The following ZIC2 variants were observed in gnomAD, a reference collection of about 807,000 sequenced individuals.
ZIC2 encodes the protein Zic family zinc finger 2.
A neutral mutation model predicts 29.5 loss-of-function variants in ZIC2; 7 were observed. That is an observed-to-expected ratio of 0.24 (90% CI 0.14 to 0.45). The LOEUF is 0.45. ZIC2 is among the 20% of genes least tolerant of loss of function. The pLI is 1.00. For missense variants in ZIC2, 589 were observed against 781.2 expected (o/e 0.75, Z 2.93); for synonymous variants, 408 against 354.2 (o/e 1.15, Z -1.70).
rs534770914 is a variant in ZIC2 at position 99,982,571 on chromosome 13, C to A, written c.507C>A (p.His169Gln). The change falls in exon 1 of 3, where the codon CAC becomes CAA. Residue 169 changes from histidine to glutamine, a missense_variant. Transcript: ENST00000376335. ...FPGLPEQHGP[H>Q]GSQNVLNGQM... The stretch of plus-strand genomic sequence containing the variant: ...GCCTGCCAGAGCAGCACGGGCCGCA[C>A]GGCTCGCAGAATGTGCTCAACGGGC... 2.6e-6 allele frequency: 4 copies of A among 1,561,836 alleles called. No individual in the cohort carries two copies. The highest frequency in any genetic ancestry group is 3.5e-6 in the Non-Finnish European group (4 of 1,159,412).
intron 1 of ZIC2, 52 bp from the exon 2 acceptor site, chr13:99,984,894 G>A: frequency 6.2e-7 from 1 of 1,612,640 alleles, no homozygotes. Flanking sequence ...CTGAGTGGGG[G>A]CTCTGCAGGC....
Position 99,985,836 on chromosome 13 carries a change from G to GTT in ZIC2, c.*169_*170dup, listed in dbSNP as rs34544768. 0.063 allele frequency: 11,601 copies of GTT among 185,454 alleles called. 390 individuals are homozygous for GTT. Among genetic ancestry groups the GTT allele is most frequent in the African/African-American group, 0.11 (4,284 of 39,080 alleles). The allele number at this position is 185,454 out of a possible 1,614,324, so 11.5% of individuals were successfully genotyped here. ...TTTACCAGCAGAAGGATTTTTTAAA[G>GTT]TTTTTTTTTTTTTTTTAATAATAAT... On this transcript the variant is annotated 3_prime_UTR_variant, in exon 3 of 3. Coordinates refer to ENST00000376335, the MANE Select transcript of ZIC2 (RefSeq NM_007129.5). The surrounding 1 kb of genome is among the most constrained non-coding windows in gnomAD (Gnocchi z 6.3).
chr13:99,982,490 C>T lies in ZIC2; in HGVS notation c.426C>T (p.Gly142=). 2 of 1,473,680 alleles carry T rather than the reference C, an allele frequency of 1.4e-6. No homozygotes were observed. Among genetic ancestry groups the T allele is most frequent in the Non-Finnish European group, 1.8e-6 (2 of 1,117,166 alleles). The allele number at this position is 1,473,680 out of a possible 1,614,324, so 91.3% of individuals were successfully genotyped here. The stretch of plus-strand genomic sequence containing the variant: ...GGCAGCACGGGCTGTTCGGGCCGGG[C>T]GCGGGCGGCCTGCACCACGCGCACT... ...GGGQHGLFGP[G]AGGLHHAHSD... is the part of the protein sequence containing the mutation. The change falls in exon 1 of 3, where the codon GGC becomes GGT. Residue 142 remains glycine, a synonymous_variant. Transcript: ENST00000376335.
intron 1 of ZIC2, chr13:99,984,550 C>T (rs541554923): frequency 2.7e-5 from 8 of 298,992 alleles, no homozygotes; most frequent in South Asian, 2.5e-4. Flanking sequence ...GAGAAACCGA[C>T]AGCAGCCCAG....
In ZIC2 at chr13:99,982,043, G is replaced by GGGGC; in HGVS notation, c.-12_-9dup. 2 of 1,226,470 alleles carry GGGGC rather than the reference G, an allele frequency of 1.6e-6. No homozygotes were observed. The highest frequency in any genetic ancestry group is 1.0e-6 in the Non-Finnish European group (1 of 986,114). The allele number at this position is 1,226,470 out of a possible 1,614,324, so 76.0% of individuals were successfully genotyped here. ...GCGGCGCGGAGGCGCAGGGCTCGCA[G>GGGGC]GGGCGGGCGGGCGCGCTGGCCATGC... On this transcript the variant is annotated 5_prime_UTR_variant, in exon 1 of 3. Coordinates refer to ENST00000376335, the MANE Select transcript of ZIC2 (RefSeq NM_007129.5).
rs113030947 is a variant in ZIC2, at chr13:99,985,227, A to G, written c.1240-96A>G. The G allele has an allele frequency of 6.7e-4, 1,068 of 1,602,634 alleles. 7 individuals are homozygous for G. In the African/African-American group the frequency reaches 0.012, roughly 18 times the overall value. ...CAGGGGCCAGGGCGGCGGGGGGAAC[A>G]TTTCTGGGGGTGCTCTCCCCCAGGG... On this transcript the variant is annotated intron_variant, in intron 2 of 2. Coordinates refer to ENST00000376335, the MANE Select transcript of ZIC2 (RefSeq NM_007129.5). The surrounding 1 kb of genome is among the most constrained non-coding windows in gnomAD (Gnocchi z 6.3).
chr13:99,985,211 G>C lies in ZIC2; in HGVS notation c.1239+102G>C. On this transcript the variant is annotated intron_variant, in intron 2 of 2. Transcript: ENST00000376335. The surrounding 1 kb of genome is among the most constrained non-coding windows in gnomAD (Gnocchi z 6.3). Reference sequence around the variant, plus strand: ...GGCCTGGGAGGGTCCCCAGGGGCCAGGGCGGCGGGGGGAACATTTCTGGGG... The same window carrying C: ...GGCCTGGGAGGGTCCCCAGGGGCCACGGCGGCGGGGGGAACATTTCTGGGG... The C allele has an allele frequency of 1.2e-6, 2 of 1,602,918 alleles. No homozygotes were observed. Among genetic ancestry groups the C allele is most frequent in the Admixed American group, 1.7e-5 (1 of 58,910 alleles).
In ZIC2 at chr13:99,985,576, G is replaced by A; in HGVS notation, c.1493G>A (p.Gly498Asp). ...GSGGGSGSGG[G>D]GGGAGGGGGG... ...GGCGGCGGCAGCGGCAGTGGCGGGG[G>A]CGGCGGCGGGGCGGGCGGCGGGGGC... The change falls in exon 3 of 3, where the codon GGC becomes GAC. Residue 498 changes from glycine to aspartate, a missense_variant. By Grantham distance (94) the Gly-to-Asp change is moderately conservative. Transcript: ENST00000376335. The surrounding 1 kb of genome is among the most constrained non-coding windows in gnomAD (Gnocchi z 6.3). The A allele has an allele frequency of 4.0e-6, 4 of 1,000,934 alleles. No individual in the cohort carries two copies. The highest frequency in any genetic ancestry group is 4.8e-6 in the Non-Finnish European group (4 of 842,102). 62.0% of individuals were successfully genotyped at this position (1,000,934 alleles called of 1,614,324 possible). A position where few individuals can be genotyped will look rare whatever the true frequency, so the allele number is the denominator to read the frequency against.
Position 99,982,314 on chromosome 13 carries a change from G to A in ZIC2, c.250G>A (p.Ala84Thr). 2 of 1,471,022 alleles carry A rather than the reference G, an allele frequency of 1.4e-6. No individual in the cohort carries two copies. The highest frequency in any genetic ancestry group is 1.8e-6 in the Non-Finnish European group (2 of 1,113,880). 91.1% of individuals were successfully genotyped at this position (1,471,022 alleles called of 1,614,324 possible). ...GGCGTTCACGTCGCAGGGCCCCGGCGCCTACCCCGGCTCCGCTGCGGCTGC... is the reference window on the plus strand; with the variant it reads ...GGCGTTCACGTCGCAGGGCCCCGGCACCTACCCCGGCTCCGCTGCGGCTGC... The part of the protein sequence containing the change: ...SSAFTSQGPG[A>T]YPGSAAAAAA... The change falls in exon 1 of 3, where the codon GCC becomes ACC. Residue 84 changes from alanine to threonine, a missense_variant. By Grantham distance (58) the Ala-to-Thr change is moderately conservative. Transcript: ENST00000376335.
intron 1 of ZIC2, 117 bp from the exon 2 acceptor site, chr13:99,984,829 G>C: frequency 1.5e-6 from 2 of 1,329,600 alleles, no homozygotes; most frequent in Non-Finnish European, 2.1e-6. Flanking sequence ...ACTGGTTTGA[G>C]GGACCCAGCC....
Position 99,981,874 on chromosome 13 carries a change from C to G in ZIC2, c.-191C>G. On this transcript the variant is annotated 5_prime_UTR_variant, in exon 1 of 3. Transcript: ENST00000376335. Reference sequence around the variant, plus strand: ...TCCGCGCCTTCGCTACGCGCCCGGCCGCCCGAGGCAGATCCAGGCGGCGGC... The same window carrying G: ...TCCGCGCCTTCGCTACGCGCCCGGCGGCCCGAGGCAGATCCAGGCGGCGGC... The G allele has an allele frequency of 1.7e-6, 2 of 1,192,292 alleles. No individual in the cohort carries two copies. Among genetic ancestry groups the G allele is most frequent in the Non-Finnish European group, 2.2e-6 (2 of 906,478 alleles). The allele number at this position is 1,192,292 out of a possible 1,614,324, so 73.9% of individuals were successfully genotyped here.
chr13:99,982,607 C>G lies in ZIC2; in HGVS notation c.543C>G (p.Leu181=), dbSNP rs572196596. The stretch of plus-strand genomic sequence containing the variant: ...ATGTGCTCAACGGGCAGATGCGCCT[C>G]GGGCTGCCCGGCGAGGTGTTCGGGC... ...SQNVLNGQMR[L]GLPGEVFGRS... Residue 181 remains leucine, a synonymous_variant, in exon 1 of 3, where the codon CTC becomes CTG. Transcript: ENST00000376335. The G allele has an allele frequency of 7.5e-5, 119 of 1,584,728 alleles. No individual in the cohort carries two copies. Among genetic ancestry groups the G allele is most frequent in the Non-Finnish European group, 9.5e-5 (111 of 1,172,358 alleles).
Position 99,985,635 on chromosome 13 carries a change from G to A in ZIC2, c.1552G>A (p.Gly518Arg), listed in dbSNP as rs1439943892. The change falls in exon 3 of 3, where the codon GGG (glycine) becomes AGG (arginine). Residue 518 changes from glycine to arginine, a missense_variant. By Grantham distance (125) the Gly-to-Arg change is moderately radical. Coordinates refer to ENST00000376335, the MANE Select transcript of ZIC2 (RefSeq NM_007129.5). The surrounding 1 kb of genome is among the most constrained non-coding windows in gnomAD (Gnocchi z 6.3). ...GSSGGGSGTA[G>R]GHSGLSSNFN... is the part of the protein sequence containing the mutation. ...CTCTGGCGGGGGCAGCGGGACAGCC[G>A]GGGGTCACAGCGGCCTCTCCTCCAA... 2.4e-6 allele frequency: 3 copies of A among 1,273,004 alleles called. No individual in the cohort carries two copies. Among genetic ancestry groups the A allele is most frequent in the African/African-American group, 3.1e-5 (2 of 64,394 alleles). The allele number at this position is 1,273,004 out of a possible 1,614,324, so 78.9% of individuals were successfully genotyped here.
chr13:99,984,879 G>A (rs2152163513), intron 1 of ZIC2, 67 bp from the exon 2 acceptor site: 2 of 1,605,624 alleles, frequency 1.2e-6, no homozygotes, highest in South Asian at 1.1e-5. Context: ...CAGCCCCCTC[G>A]CAGCCTGAGT....
chr13:99,982,078 C>T lies in ZIC2; in HGVS notation c.14C>T (p.Ala5Val), dbSNP rs2152162144. The T allele has an allele frequency of 8.0e-7, 1 of 1,249,888 alleles. No individual in the cohort carries two copies. The highest frequency in any genetic ancestry group is 1.0e-6 in the Non-Finnish European group (1 of 1,000,424). The allele number at this position is 1,249,888 out of a possible 1,614,324, so 77.4% of individuals were successfully genotyped here. A position where few individuals can be genotyped will look rare whatever the true frequency, so the allele number is the denominator to read the frequency against. The change falls in exon 1 of 3, where the codon GCG (alanine) becomes GTG (valine). Residue 5 changes from alanine (A) to valine (V), a missense_variant. Around this residue, in one of 7 missense-constraint regions of ZIC2, gnomAD observed 358 missense variants for 382.0 expected, o/e 0.94. Transcript: ENST00000376335. ...GGCGCGCTGGCCATGCTCCTGGACG[C>T]GGGTCCGCAGTTCCCGGCCATCGGG... is the stretch of plus-strand genomic sequence containing the variant. MLLD[A>V]GPQFPAIGVG...
In ZIC2 at chr13:99,985,633, C is replaced by T; in HGVS notation, c.1550C>T (p.Ala517Val). The change falls in exon 3 of 3, where the codon GCC (alanine) becomes GTC (valine). Residue 517 changes from alanine (A) to valine (V), a missense_variant. Transcript: ENST00000376335. The surrounding 1 kb of genome is among the most constrained non-coding windows in gnomAD (Gnocchi z 6.3). ...GGSSGGGSGT[A>V]GGHSGLSSNF... ...AGCTCTGGCGGGGGCAGCGGGACAG[C>T]CGGGGGTCACAGCGGCCTCTCCTCC... 3.1e-6 allele frequency: 4 copies of T among 1,273,006 alleles called. No individual in the cohort carries two copies. Among genetic ancestry groups the T allele is most frequent in the Non-Finnish European group, 3.0e-6 (3 of 991,164 alleles). The allele number at this position is 1,273,006 out of a possible 1,614,324, so 78.9% of individuals were successfully genotyped here.
At position 99,985,454 on chromosome 13, in the gene ZIC2, G is replaced by GGCGGCA. The variant is rs768673486; in HGVS notation, c.1377_1382dup (p.Ala469_Ala470dup). 25 of 1,387,776 alleles carry GGCGGCA rather than the reference G, an allele frequency of 1.8e-5. No individual in the cohort carries two copies. Among genetic ancestry groups the GGCGGCA allele is most frequent in the East Asian group, 1.1e-4 (4 of 35,262 alleles). 86.0% of individuals were successfully genotyped at this position (1,387,776 alleles called of 1,614,324 possible). A position where few individuals can be genotyped will look rare whatever the true frequency, so the allele number is the denominator to read the frequency against. On this transcript the variant is annotated inframe_insertion, in exon 3 of 3. Transcript: ENST00000376335. This position sits in a 1 kb window ranked among gnomAD's most constrained non-coding sequence, Gnocchi z 6.3. ...GCAGCTCCAACCTGTCCCCAGCGGC[G>GGCGGCA]GCGGCAGCGGCGGCGGCGGCTGCGG... is the stretch of plus-strand genomic sequence containing the variant.
In ZIC2 at chr13:99,985,152, C is replaced by T. The variant is rs780380550; in HGVS notation, c.1239+43C>T. 2.5e-6 allele frequency: 4 copies of T among 1,613,074 alleles called. No homozygotes were observed. In the South Asian group the frequency reaches 3.3e-5, roughly 13 times the overall value. Reference sequence around the variant, plus strand: ...GGGAGGAGGGCGAGGCAGGCCGAGGCGCCGGTGCAGCACTGGCCCGGACCA... The same window carrying T: ...GGGAGGAGGGCGAGGCAGGCCGAGGTGCCGGTGCAGCACTGGCCCGGACCA... On this transcript the variant is annotated intron_variant, in intron 2 of 2. Coordinates refer to ENST00000376335, the MANE Select transcript of ZIC2 (RefSeq NM_007129.5). The surrounding 1 kb of genome is among the most constrained non-coding windows in gnomAD (Gnocchi z 6.3).
Position 99,985,243 on chromosome 13 carries a change from TC to T in ZIC2, c.1240-75del. ...GGGGGGAACATTTCTGGGGGTGCTC[TC>T]CCCCAGGGGCCCGGCCCCACAGCAG... On this transcript the variant is annotated intron_variant, in intron 2 of 2. Coordinates refer to ENST00000376335, the MANE Select transcript of ZIC2 (RefSeq NM_007129.5). The surrounding 1 kb of genome is among the most constrained non-coding windows in gnomAD (Gnocchi z 6.3). The T allele has an allele frequency of 2.5e-6, 4 of 1,601,544 alleles. No individual in the cohort carries two copies. The highest frequency in any genetic ancestry group is 3.4e-6 in the Non-Finnish European group (4 of 1,176,688).
Sources: allele counts gnomAD v4.1 joint callset, GRCh38; gene constraint gnomAD v4.1.1; regional missense constraint gnomAD v4.1.1; non-coding constraint Gnocchi (gnomAD v3.1); transcripts MANE v1.5; gene names NCBI Gene and HGNC (gene_info 2026-07-23, HGNC 2026-07-21).